CSMD1: variants seen among roughly 807,000 people sequenced by gnomAD.
CSMD1 encodes the protein CUB and sushi domain-containing protein 1.
CSMD1 carries 213 observed loss-of-function variants against 417.5 expected under a neutral mutation model. The ratio of observed to expected loss-of-function variants is 0.51; its 90% CI spans 0.46 to 0.57. The LOEUF is 0.57. Among genes scored for constraint, CSMD1 ranks in the 20% least tolerant of loss-of-function variants. The pLI, the probability that CSMD1 is intolerant of heterozygous loss-of-function variation, is 0.00. For missense variants in CSMD1, 6,923 were observed against 4,529.7 expected (o/e 1.53, Z -15.17); for synonymous variants, 2,862 against 1,736.8 (o/e 1.65, Z -16.11).
intron 1 of CSMD1, among the ~76,000 whole-genome samples, chr8:4,962,822 C>A (rs747780667): frequency 5.3e-5 from 8 of 152,172 alleles, no homozygotes; most frequent in Non-Finnish European, 7.3e-5. Context: ...TTCACTTAAT[C>A]TCCATTTTTA....
intron 5 of CSMD1, among the ~76,000 whole-genome samples, chr8:3,940,437 T>G (rs1223965048): frequency 6.6e-6 from 1 of 151,786 alleles, no homozygotes; most frequent in Non-Finnish European, 1.5e-5. Context: ...TGTAAAGAAG[T>G]AAAACATAAG....
chr8:4,027,253 A>G (rs1032162435), intron 4 of CSMD1, among the ~76,000 whole-genome samples: 1 of 152,212 alleles, frequency 6.6e-6, no homozygotes, highest in Non-Finnish European at 1.5e-5. Flanking sequence ...TTTGGCTGAT[A>G]AAAGAAATGT....
intron 3 of CSMD1, among the ~76,000 whole-genome samples, chr8:4,161,781 G>A (rs897006350): frequency 6.6e-6 from 1 of 152,004 alleles, no homozygotes; most frequent in African/African-American, 2.4e-5. Flanking sequence ...ATTTTGAATT[G>A]TGCAAAAGAA....
chr8:3,844,887 A>T (rs1455379459), intron 5 of CSMD1, among the ~76,000 whole-genome samples: 1 of 152,176 alleles, frequency 6.6e-6, no homozygotes, highest in South Asian at 2.1e-4. Flanking sequence ...TTTTTCTAAA[A>T]TTCTTGTCAA....
At chr8:3,543,836 G>C (rs541486262) in intron 10 of CSMD1, among the ~76,000 whole-genome samples, 12 of 152,226 alleles carry the variant, frequency 7.9e-5, no homozygotes, top group South Asian at 4.1e-4. Flanking sequence ...GTAGAGGTTA[G>C]CAGATGGATT....
At chr8:3,793,771 C>T (rs1456111485) in intron 5 of CSMD1, among the ~76,000 whole-genome samples, 6 of 152,112 alleles carry the variant, frequency 3.9e-5, no homozygotes, top group African/African-American at 7.2e-5. Flanking sequence ...AGGAACTTGA[C>T]GACAGAGACC....
At chr8:3,352,318 G>A (rs2584225) in intron 21 of CSMD1, among the ~76,000 whole-genome samples, 40,756 of 152,104 alleles carry the variant, frequency 0.27, 6,026 homozygotes, top group East Asian at 0.47. Context: ...CCCTAAAACA[G>A]TTGAATTTTA....
At chr8:3,959,338 A>G (rs531231403) in intron 5 of CSMD1, among the ~76,000 whole-genome samples, 1 of 152,292 alleles carries the variant, frequency 6.6e-6, no homozygotes, top group South Asian at 2.1e-4. Context: ...GTCTCTACTA[A>G]AAATACAAAA....
At chr8:3,483,165 A>G (rs1481058863) in intron 11 of CSMD1, among the ~76,000 whole-genome samples, 1 of 152,122 alleles carries the variant, frequency 6.6e-6, no homozygotes, top group Non-Finnish European at 1.5e-5. Context: ...AGTAGAAAAA[A>G]TAACGAAACA....
chr8:3,510,323 G>C (rs1211120200), intron 10 of CSMD1, among the ~76,000 whole-genome samples: 1 of 151,762 alleles, frequency 6.6e-6, no homozygotes, highest in African/African-American at 2.4e-5. Context: ...CCCGTCACAG[G>C]AAAGAGCAAC....
chr8:3,776,543 T>A (rs1010326431), intron 5 of CSMD1, among the ~76,000 whole-genome samples: 1 of 152,136 alleles, frequency 6.6e-6, no homozygotes, highest in African/African-American at 2.4e-5. Flanking sequence ...GCCCTCTGCA[T>A]AGAATGCCAG....
At chr8:3,406,434 T>C (rs1039751924) in intron 14 of CSMD1, among the ~76,000 whole-genome samples, 2 of 152,156 alleles carry the variant, frequency 1.3e-5, no homozygotes, top group African/African-American at 2.4e-5. Context: ...TGAACAAATA[T>C]AACTATCATT....
At chr8:3,235,727 A>G (rs1429353464) in intron 26 of CSMD1, among the ~76,000 whole-genome samples, 2 of 152,136 alleles carry the variant, frequency 1.3e-5, no homozygotes, top group Admixed American at 1.3e-4. Flanking sequence ...TTCATGGTAT[A>G]ATATTCTATT....
Position 4,742,455 on chromosome 8 carries a change from G to C in CSMD1, c.86-104897C>G, listed in dbSNP as rs150855668. ...CTTATGACTAAGATTAGAGGTATTTGGTGTTTACTTTTAGTCATTCACATA... is the reference window on the plus strand; with the variant it reads ...CTTATGACTAAGATTAGAGGTATTTCGTGTTTACTTTTAGTCATTCACATA... On this transcript the variant is annotated intron_variant, in intron 1 of 69. Coordinates refer to ENST00000635120, the MANE Select transcript of CSMD1 (RefSeq NM_033225.6). 1.6e-3 allele frequency among the ~76,000 whole-genome samples: 241 copies of C among 151,950 alleles called. 1 individual carries two copies. The highest frequency in any genetic ancestry group is 5.6e-3 in the African/African-American group (233 of 41,434).
chr8:4,415,238 C>T (rs1796868230), intron 3 of CSMD1, among the ~76,000 whole-genome samples: 1 of 152,132 alleles, frequency 6.6e-6, no homozygotes, highest in Non-Finnish European at 1.5e-5. Context: ...AACTCAGCCT[C>T]CATCAACTCC....
intron 5 of CSMD1, among the ~76,000 whole-genome samples, chr8:3,976,719 A>G (rs184818876): frequency 4.6e-5 from 7 of 152,304 alleles, no homozygotes; most frequent in Admixed American, 4.6e-4. Flanking sequence ...AATCTCCACA[A>G]GAACCCTATG....
rs569541026 is a variant in CSMD1, at chr8:4,441,971, C to T, written c.303-21906G>A. Among the ~76,000 whole-genome samples, 11 of 152,216 alleles carry T rather than the reference C, an allele frequency of 7.2e-5. No homozygotes were observed. In the East Asian group the frequency reaches 1.5e-3, roughly 21 times the overall value. ...TGAGAAACTCAGGGGCCAAATGTTC[C>T]GAAAACCAAATAATAAAAGGTAGAC... On this transcript the variant is annotated intron_variant, in intron 2 of 69. Transcript: ENST00000635120.
intron 3 of CSMD1, among the ~76,000 whole-genome samples, chr8:4,217,624 A>C (rs886611523): frequency 2.0e-4 from 30 of 151,756 alleles, no homozygotes; most frequent in African/African-American, 7.2e-4. Context: ...CTTTTGAGAA[A>C]CTGTTGAAAA....
intron 1 of CSMD1, among the ~76,000 whole-genome samples, chr8:4,915,409 G>C (rs1805986160): frequency 6.6e-6 from 1 of 152,178 alleles, no homozygotes; most frequent in African/African-American, 2.4e-5. Flanking sequence ...ATAAGAAATT[G>C]TTTACACTGT....
Sources: allele counts gnomAD v4.1 joint callset (sites outside exome capture counted in the v4.1 genomes callset), GRCh38; gene constraint gnomAD v4.1.1; transcripts MANE v1.5; gene names NCBI Gene and HGNC (gene_info 2026-07-23, HGNC 2026-07-21).